The following SAMTOR variants were observed in gnomAD, a reference collection of about 807,000 sequenced individuals.
SAMTOR encodes UPF0532 protein C7orf60.
At chr7:112,863,762 C>G in the SAMTOR span, among the ~76,000 whole-genome samples, 1 of 152,102 alleles carries the variant, frequency 6.6e-6, no homozygotes, top group Non-Finnish European at 1.5e-5. Context: ...CAAAAAATAA[C>G]AGATGCTAGC....
At chr7:112,822,745 T>C in the SAMTOR span, among the ~76,000 whole-genome samples, 10 of 151,878 alleles carry the variant, frequency 6.6e-5, no homozygotes, top group Non-Finnish European at 1.2e-4. Context: ...CAAACTAATA[T>C]AAAAATGCTA....
At chr7:112,835,245 A>G in the SAMTOR span, among the ~76,000 whole-genome samples, 1 of 152,136 alleles carries the variant, frequency 6.6e-6, no homozygotes, top group Admixed American at 6.6e-5. Context: ...TACTCCAGGT[A>G]CATAAGTTCC....
chr7:112,918,953 C>A, the SAMTOR span, among the ~76,000 whole-genome samples: 1 of 152,122 alleles, frequency 6.6e-6, no homozygotes, highest in Non-Finnish European at 1.5e-5. Flanking sequence ...TAAAGCAAGT[C>A]CTGAGTGACC....
the SAMTOR span, among the ~76,000 whole-genome samples, chr7:112,863,741 C>T: frequency 7.9e-5 from 12 of 152,172 alleles, no homozygotes; most frequent in East Asian, 5.8e-4. Context: ...CATCTCACGT[C>T]GGTCAGATGT....
At chr7:112,864,288 G>A in the SAMTOR span, among the ~76,000 whole-genome samples, 12 of 152,196 alleles carry the variant, frequency 7.9e-5, no homozygotes, top group African/African-American at 2.6e-4. Flanking sequence ...TGGGTACTAG[G>A]CTTAATACCT....
At chr7:112,823,922 T>C in the SAMTOR span, among the ~76,000 whole-genome samples, 1 of 152,220 alleles carries the variant, frequency 6.6e-6, no homozygotes, top group African/African-American at 2.4e-5. Context: ...TTAGTGACAT[T>C]TATCATCTTT....
chr7:112,828,378 T>A, the SAMTOR span, among the ~76,000 whole-genome samples: 2 of 152,158 alleles, frequency 1.3e-5, no homozygotes, highest in African/African-American at 4.8e-5. Flanking sequence ...TTGCTGGCAA[T>A]CTTTGGTGGT....
the SAMTOR span, among the ~76,000 whole-genome samples, chr7:112,923,975 T>C: frequency 6.7e-6 from 1 of 148,150 alleles, no homozygotes; most frequent in Admixed American, 6.9e-5. Context: ...TTCTCACTCA[T>C]AGGTGGGAAT....
At chr7:112,920,521 T>C in the SAMTOR span, among the ~76,000 whole-genome samples, 2 of 149,884 alleles carry the variant, frequency 1.3e-5, no homozygotes, top group South Asian at 2.2e-4. Flanking sequence ...CTGGAAGCAT[T>C]CCCTTTGAAA....
chr7:112,828,608 CT>C, the SAMTOR span, among the ~76,000 whole-genome samples: 1 of 152,114 alleles, frequency 6.6e-6, no homozygotes, highest in Non-Finnish European at 1.5e-5. Flanking sequence ...TCCAACATAT[CT>C]GTTTTAGGTT....
the SAMTOR span, among the ~76,000 whole-genome samples, chr7:112,920,217 T>G: frequency 6.6e-6 from 1 of 151,624 alleles, no homozygotes; most frequent in African/African-American, 2.4e-5. Flanking sequence ...ACTGGCAAAC[T>G]GAATCCAGCA....
At chr7:112,910,505 G>C in the SAMTOR span, among the ~76,000 whole-genome samples, 1 of 152,096 alleles carries the variant, frequency 6.6e-6, no homozygotes, top group Non-Finnish European at 1.5e-5. Context: ...AAGACTGTTA[G>C]GAAAGAGGAT....
At chr7:112,893,240 T>C in the SAMTOR span, among the ~76,000 whole-genome samples, 1 of 152,236 alleles carries the variant, frequency 6.6e-6, no homozygotes, top group African/African-American at 2.4e-5. Flanking sequence ...AAAAGGCGCC[T>C]TCTTCTTCCA....
the SAMTOR span, among the ~76,000 whole-genome samples, chr7:112,868,641 C>G: frequency 6.6e-6 from 1 of 152,342 alleles, no homozygotes; most frequent in Non-Finnish European, 1.5e-5. Context: ...AATTCAGGCT[C>G]ACACAAAGTC....
chr7:112,864,107 C>T, the SAMTOR span, among the ~76,000 whole-genome samples: 2 of 152,090 alleles, frequency 1.3e-5, no homozygotes, highest in Non-Finnish European at 2.9e-5. Flanking sequence ...GGGACAATGG[C>T]CATGGTGGCC....
chr7:112,849,047 T>TA, the SAMTOR span, among the ~76,000 whole-genome samples: 50,782 of 137,618 alleles, frequency 0.37, 10,670 homozygotes, highest in African/African-American at 0.6. Flanking sequence ...AGACTCCATC[T>TA]AAAAAAAAAA....
chr7:112,828,101 C>T, the SAMTOR span, among the ~76,000 whole-genome samples: 1 of 152,188 alleles, frequency 6.6e-6, no homozygotes, highest in African/African-American at 2.4e-5. Flanking sequence ...CTGATTCTCT[C>T]ATGTCACCCT....
chr7:112,917,037 A>G, the SAMTOR span, among the ~76,000 whole-genome samples: 3 of 152,228 alleles, frequency 2.0e-5, no homozygotes, highest in African/African-American at 7.2e-5. Flanking sequence ...ACAAACAAAA[A>G]GACAGCAGTA....
chr7:112,915,586 T>C, the SAMTOR span: 1 of 503,218 alleles, frequency 2.0e-6, no homozygotes, highest in Non-Finnish European at 3.1e-6. Flanking sequence ...TTTAAACATT[T>C]AAAATGTTTA....
Sources: allele counts gnomAD v4.1 joint callset (sites outside exome capture counted in the v4.1 genomes callset), GRCh38; gene constraint gnomAD v4.1.1; transcripts MANE v1.5; gene names NCBI Gene and HGNC (gene_info 2026-07-23, HGNC 2026-07-21).